COL23A1: variants seen among roughly 807,000 people sequenced by gnomAD.
COL23A1 encodes collagen type XXIII alpha 1 chain.
COL23A1 carries 97 observed loss-of-function variants against 99.3 expected under a neutral mutation model. That is an observed-to-expected ratio of 0.98 (90% CI 0.83 to 1.16). COL23A1 has a LOEUF of 1.16. Among genes scored for constraint, COL23A1 ranks in the 50% most tolerant of loss-of-function variants. The pLI is 0.00. For synonymous variants in COL23A1, 320 were observed against 308.2 expected, an observed-to-expected ratio of 1.04 and a Z score of -0.40; for missense variants, 762 against 757.4, an observed-to-expected ratio of 1.01 and a Z score of -0.07.
intron 2 of COL23A1, among the ~76,000 whole-genome samples, chr5:178,332,323 G>A (rs1760076535): frequency 6.6e-6 from 1 of 152,214 alleles, no homozygotes; most frequent in South Asian, 2.1e-4. Context: ...CCACCCATCA[G>A]AGGTGTCTCA....
intron 5 of COL23A1, among the ~76,000 whole-genome samples, chr5:178,274,308 G>A (rs1447530753): frequency 6.6e-6 from 1 of 152,220 alleles, no homozygotes; most frequent in Non-Finnish European, 1.5e-5. Flanking sequence ...CTGGTGGAGT[G>A]GGGGCTGAGC....
At chr5:178,539,219 C>T (rs182832638) in intron 2 of COL23A1, among the ~76,000 whole-genome samples, 1 of 152,236 alleles carries the variant, frequency 6.6e-6, no homozygotes, top group African/African-American at 2.4e-5. Flanking sequence ...ATGAACCGTA[C>T]GGTGTCTGAC....
At chr5:178,461,686 A>C (rs1282383827) in intron 2 of COL23A1, among the ~76,000 whole-genome samples, 1 of 152,160 alleles carries the variant, frequency 6.6e-6, no homozygotes, top group Admixed American at 6.5e-5. Flanking sequence ...CTCACCTGTA[A>C]TACAAGGTAG....
chr5:178,458,075 G>C (rs1287444529), intron 2 of COL23A1, among the ~76,000 whole-genome samples: 1 of 152,210 alleles, frequency 6.6e-6, no homozygotes, highest in Non-Finnish European at 1.5e-5. Context: ...GGACAATTAG[G>C]GTCATGTCAA....
chr5:178,585,905 C>A (rs1311593684), intron 1 of COL23A1, among the ~76,000 whole-genome samples: 2 of 152,216 alleles, frequency 1.3e-5, no homozygotes, highest in African/African-American at 4.8e-5. Flanking sequence ...GGGATGGCGA[C>A]CCTGTGACCT....
At chr5:178,404,564 G>GGCTCGAGA (rs1554159980) in intron 2 of COL23A1, among the ~76,000 whole-genome samples, 29 of 151,464 alleles carry the variant, frequency 1.9e-4, no homozygotes, top group African/African-American at 6.6e-4. Context: ...ATTCCTTATG[G>GGCTCGAGA]TGAACCTGGC....
At chr5:178,385,764 A>G (rs1763639764) in intron 2 of COL23A1, among the ~76,000 whole-genome samples, 1 of 152,256 alleles carries the variant, frequency 6.6e-6, no homozygotes, top group African/African-American at 2.4e-5. Flanking sequence ...GATGCTCCAC[A>G]GAGGCCAGAG....
chr5:178,392,140 T>G (rs1406137076), intron 2 of COL23A1, among the ~76,000 whole-genome samples: 1 of 150,244 alleles, frequency 6.7e-6, no homozygotes, highest in Non-Finnish European at 1.5e-5. Context: ...TTTTTTTGGT[T>G]GATGAATTGT....
intron 2 of COL23A1, among the ~76,000 whole-genome samples, chr5:178,322,141 C>T (rs981554582): frequency 6.6e-6 from 1 of 151,948 alleles, no homozygotes; most frequent in Non-Finnish European, 1.5e-5. Context: ...TATAGGCACC[C>T]GCCAGCACGC....
At chr5:178,311,834 G>A (rs1758708977) in intron 2 of COL23A1, among the ~76,000 whole-genome samples, 1 of 151,046 alleles carries the variant, frequency 6.6e-6, no homozygotes, top group Non-Finnish European at 1.5e-5. Context: ...AGGTTCAAGC[G>A]ACTCCTCTGC....
chr5:178,473,861 G>C (rs1022014948), intron 2 of COL23A1, among the ~76,000 whole-genome samples: 1 of 152,130 alleles, frequency 6.6e-6, no homozygotes, highest in African/African-American at 2.4e-5. Context: ...TGAAAGCTTC[G>C]AAAGAAAGAT....
chr5:178,357,651 T>A (rs1198015692), intron 2 of COL23A1, among the ~76,000 whole-genome samples: 1 of 152,224 alleles, frequency 6.6e-6, no homozygotes. Context: ...TATAAAGGAA[T>A]TTACCCATCA....
chr5:178,561,067 A>ACCAG (rs1313178228), intron 1 of COL23A1, among the ~76,000 whole-genome samples: 1 of 152,198 alleles, frequency 6.6e-6, no homozygotes, highest in Non-Finnish European at 1.5e-5. Flanking sequence ...CACAGCGACC[A>ACCAG]CCAGCCCTGC....
At chr5:178,315,935 G>A (rs997695449) in intron 2 of COL23A1, among the ~76,000 whole-genome samples, 5 of 152,148 alleles carry the variant, frequency 3.3e-5, no homozygotes, top group African/African-American at 9.6e-5. Context: ...TTATTACGAG[G>A]TAAACAATAG....
chr5:178,529,754 G>A (rs1019730176), intron 2 of COL23A1, among the ~76,000 whole-genome samples: 6 of 152,242 alleles, frequency 3.9e-5, no homozygotes, highest in East Asian at 3.9e-4. Flanking sequence ...CACATCTCCC[G>A]TGAGTGGGGC....
chr5:178,335,425 G>A (rs1760263727), intron 2 of COL23A1, among the ~76,000 whole-genome samples: 1 of 152,036 alleles, frequency 6.6e-6, no homozygotes, highest in African/African-American at 2.4e-5. Context: ...GTCCCCCTGC[G>A]CCGGGAGAAG....
At chr5:178,253,002 C>G (rs1765115540) in intron 16 of COL23A1, among the ~76,000 whole-genome samples, 1 of 152,230 alleles carries the variant, frequency 6.6e-6, no homozygotes, top group Non-Finnish European at 1.5e-5. Context: ...GCACCACCGT[C>G]TCTGACTGTC....
At chr5:178,379,288 T>A (rs530463091) in intron 2 of COL23A1, among the ~76,000 whole-genome samples, 54 of 152,078 alleles carry the variant, frequency 3.6e-4, no homozygotes, top group Non-Finnish European at 6.0e-4. Flanking sequence ...ATCTCATGAG[T>A]CAGCACTGTT....
At chr5:178,377,859 G>C (rs1763164202) in intron 2 of COL23A1, 1 of 152,528 alleles carries the variant, frequency 6.6e-6, no homozygotes, top group Admixed American at 6.5e-5. Context: ...ACACACGGTG[G>C]AGAAGACACT....
Sources: gnomAD v4.1 joint callset for allele counts (sites outside exome capture counted in the v4.1 genomes callset) on GRCh38, gnomAD v4.1.1 for gene constraint, MANE v1.5 for transcripts, NCBI Gene and HGNC (gene_info 2026-07-23, HGNC 2026-07-21) for gene names.